Variants in CDK5RAP2 observed in about 807,000 individuals in gnomAD.
CDK5RAP2 encodes CDK5 regulatory subunit associated protein 2, also known as CDK5 regulatory subunit-associated protein 2.
CDK5RAP2 carries 147 observed loss-of-function variants against 232.9 expected under a neutral mutation model. That is an observed-to-expected ratio of 0.63 (90% confidence interval 0.55 to 0.72). The LOEUF is 0.72. Among genes scored for constraint, CDK5RAP2 ranks in the 30% least tolerant of loss-of-function variants. CDK5RAP2 has a pLI of 0.00. For synonymous variants in CDK5RAP2, 833 were observed against 833.7 expected (o/e 1.00, Z 0.01); for missense variants, 2,195 against 2,231.5 (o/e 0.98, Z 0.33).
At chr9:120,485,786 A>G (rs2038567257) in intron 14 of CDK5RAP2, among the ~76,000 whole-genome samples, 1 of 152,210 alleles carries the variant, frequency 6.6e-6, no homozygotes, top group Non-Finnish European at 1.5e-5. Context: ...GAATCACAAA[A>G]TATTAGCCCT....
At chr9:120,515,007 A>C (rs1271797389) in intron 12 of CDK5RAP2, among the ~76,000 whole-genome samples, 1 of 152,210 alleles carries the variant, frequency 6.6e-6, no homozygotes, top group East Asian at 1.9e-4. Context: ...AAATGATTAC[A>C]AAGACTAAGT....
chr9:120,570,529 A>T (rs1364084709), intron 2 of CDK5RAP2, among the ~76,000 whole-genome samples: 1 of 152,176 alleles, frequency 6.6e-6, no homozygotes, highest in African/African-American at 2.4e-5. Flanking sequence ...AAGCAAATGT[A>T]TACTATCGGC....
At chr9:120,480,745 G>A (rs552722975) in intron 14 of CDK5RAP2, among the ~76,000 whole-genome samples, 1 of 152,304 alleles carries the variant, frequency 6.6e-6, no homozygotes, top group East Asian at 1.9e-4. Context: ...TGATCCAGGA[G>A]AATACTGTTG....
chr9:120,490,906 T>C (rs567763155), intron 13 of CDK5RAP2, among the ~76,000 whole-genome samples: 1 of 152,258 alleles, frequency 6.6e-6, no homozygotes, highest in African/African-American at 2.4e-5. Context: ...ACTCACGACA[T>C]GATCAAACAA....
At chr9:120,569,347 A>G (rs1453098209) in intron 2 of CDK5RAP2, among the ~76,000 whole-genome samples, 1 of 152,262 alleles carries the variant, frequency 6.6e-6, no homozygotes, top group Non-Finnish European at 1.5e-5. Context: ...ACAAAAGGAC[A>G]ACTGCATAAT....
At chr9:120,455,370 TAAAAAA>T (rs77949035) in intron 20 of CDK5RAP2, among the ~76,000 whole-genome samples, 1 of 94,180 alleles carries the variant, frequency 1.1e-5, no homozygotes, top group African/African-American at 3.7e-5. Flanking sequence ...TACAACACGT[TAAAAAA>T]AAAAAAAAAA....
chr9:120,440,095 C>A, intron 23 of CDK5RAP2, 123 bp from the exon 24 acceptor site: 1 of 808,716 alleles, frequency 1.2e-6, no homozygotes, highest in Non-Finnish European at 2.1e-6. Context: ...CTCAAAAAGG[C>A]CCTAGTATTT....
In CDK5RAP2 at chr9:120,571,958, G is replaced by A; in HGVS notation, c.127+16C>T. On this transcript the variant is annotated intron_variant, in intron 2 of 37. Coordinates refer to ENST00000349780, the MANE Select transcript of CDK5RAP2 (RefSeq NM_018249.6). Reference sequence around the variant, plus strand: ...TTGTTCTTTACTCAAGAGAATGCCTGGTTTTGTGTACTTACGACCATTTCC... The same window carrying A: ...TTGTTCTTTACTCAAGAGAATGCCTAGTTTTGTGTACTTACGACCATTTCC... The A allele has an allele frequency of 6.2e-7, 1 of 1,601,746 alleles. No individual in the cohort carries two copies. Among genetic ancestry groups the A allele is most frequent in the East Asian group, 2.2e-5 (1 of 44,842 alleles).
intron 12 of CDK5RAP2, among the ~76,000 whole-genome samples, chr9:120,494,476 C>T (rs2039059649): frequency 6.6e-6 from 1 of 152,112 alleles, no homozygotes; most frequent in Admixed American, 6.5e-5. Flanking sequence ...TGAAAAGGCA[C>T]AGGAATCAAT....
intron 3 of CDK5RAP2, among the ~76,000 whole-genome samples, chr9:120,561,656 A>C (rs1159905137): frequency 4.6e-5 from 2 of 43,954 alleles, no homozygotes; most frequent in Non-Finnish European, 2.3e-4. Context: ...TAACTACCTT[A>C]TGAAATCAAC....
intron 18 of CDK5RAP2, among the ~76,000 whole-genome samples, chr9:120,463,937 G>T (rs1025646015): frequency 2.0e-5 from 3 of 152,094 alleles, no homozygotes; most frequent in Non-Finnish European, 4.4e-5. Flanking sequence ...TACCTGGCTC[G>T]GCTTCCAGCC....
At chr9:120,563,807 T>C (rs570644402) in intron 3 of CDK5RAP2, among the ~76,000 whole-genome samples, 2 of 152,288 alleles carry the variant, frequency 1.3e-5, no homozygotes, top group Non-Finnish European at 2.9e-5. Context: ...CACAAACATA[T>C]TATTGCAAAT....
At chr9:120,503,904 C>A (rs1463567430) in intron 12 of CDK5RAP2, among the ~76,000 whole-genome samples, 1 of 152,112 alleles carries the variant, frequency 6.6e-6, no homozygotes, top group Non-Finnish European at 1.5e-5. Context: ...TCACAGGCAT[C>A]TTGTCATCCA....
intron 32 of CDK5RAP2, among the ~76,000 whole-genome samples, chr9:120,405,804 T>A (rs2033393113): frequency 6.6e-6 from 1 of 152,206 alleles, no homozygotes; most frequent in South Asian, 2.1e-4. Flanking sequence ...GGGTCATGGA[T>A]TGGTGACTGA....
chr9:120,397,568 AAAAAG>A (rs1327688475), intron 35 of CDK5RAP2, among the ~76,000 whole-genome samples: 14 of 140,254 alleles, frequency 1.0e-4, no homozygotes, highest in African/African-American at 3.4e-4. Flanking sequence ...AAAAAAAAGA[AAAAAG>A]AAAAAAAAAA....
At chr9:120,468,276 C>T (rs1302373758) in intron 17 of CDK5RAP2, among the ~76,000 whole-genome samples, 2 of 152,234 alleles carry the variant, frequency 1.3e-5, no homozygotes, top group Non-Finnish European at 2.9e-5. Flanking sequence ...TGTAGCGTTA[C>T]TACGAGAACT....
In CDK5RAP2 at chr9:120,453,609, G is replaced by A. The variant is rs371253019; in HGVS notation, c.2640C>T (p.Gly880=). The change falls in exon 21 of 38, where the codon GGC becomes GGT. Residue 880 remains glycine, a synonymous_variant. Coordinates refer to ENST00000349780, the MANE Select transcript of CDK5RAP2 (RefSeq NM_018249.6). The part of the protein sequence containing the change: ...DASVQTVATE[G]DLLRFKHEAT... Reference sequence around the variant, plus strand: ...CTTCATGCTTGAATCTCAGCAGGTCGCCCTCCGTGGCCACAGTCTGCACTG... The same window carrying A: ...CTTCATGCTTGAATCTCAGCAGGTCACCCTCCGTGGCCACAGTCTGCACTG... 164 of 1,613,986 alleles carry A rather than the reference G, an allele frequency of 1.0e-4. No homozygotes were observed. The highest frequency in any genetic ancestry group is 1.3e-4 in the Non-Finnish European group (158 of 1,180,036).
chr9:120,445,518 C>T (rs1339271686), intron 22 of CDK5RAP2, among the ~76,000 whole-genome samples: 1 of 152,208 alleles, frequency 6.6e-6, no homozygotes, highest in Non-Finnish European at 1.5e-5. Context: ...AATCACGCTG[C>T]ACCCACTCCA....
Position 120,574,178 on chromosome 9 carries a change from T to G in CDK5RAP2, c.60-2137A>C, listed in dbSNP as rs146247153. On this transcript the variant is annotated intron_variant, in intron 1 of 37. Coordinates refer to ENST00000349780, the MANE Select transcript of CDK5RAP2 (RefSeq NM_018249.6). ...TCCCAACTCTTAGACAAAACCACTA[T>G]GTAATGCAGAAATTTTTGCTTGGAT... is the stretch of plus-strand genomic sequence containing the variant. Among the ~76,000 whole-genome samples, 11 of 152,318 alleles carry G rather than the reference T, an allele frequency of 7.2e-5. No individual in the cohort carries two copies. In the East Asian group the frequency reaches 2.1e-3, roughly 29 times the overall value.
Sources: allele counts gnomAD v4.1 joint callset (sites outside exome capture counted in the v4.1 genomes callset), GRCh38; gene constraint gnomAD v4.1.1; transcripts MANE v1.5; gene names NCBI Gene and HGNC (gene_info 2026-07-23, HGNC 2026-07-21).